The following PPARGC1A variants were observed in gnomAD, a reference collection of about 807,000 sequenced individuals.
PPARGC1A encodes PPARG coactivator 1 alpha, also known as peroxisome proliferator-activated receptor gamma coactivator 1-alpha.
PPARGC1A carries 25 observed loss-of-function variants against 88.7 expected under a neutral mutation model. The observed-to-expected ratio is 0.28, with a 90% confidence interval of 0.21 to 0.39. The LOEUF (loss-of-function observed/expected upper bound fraction) is 0.39, where lower values mean the gene tolerates loss of function less well. Ranked by LOEUF, PPARGC1A falls within the 10% of genes least tolerant of loss-of-function variation. The pLI, the probability that PPARGC1A is intolerant of heterozygous loss-of-function variation, is 1.00. For missense variants in PPARGC1A, 880 were observed against 968.7 expected (o/e 0.91, Z 1.22); for synonymous variants, 363 against 355.6 (o/e 1.02, Z -0.24).
At chr4:24,273,144 G>A in the PPARGC1A span, among the ~76,000 whole-genome samples, 2 of 152,118 alleles carry the variant, frequency 1.3e-5, no homozygotes, top group Admixed American at 6.5e-5. Flanking sequence ...TTTGGAAATC[G>A]AGAGCAGCTT....
chr4:24,462,253 A>ATTT, the PPARGC1A span, among the ~76,000 whole-genome samples: 37,285 of 143,004 alleles, frequency 0.26, 6,204 homozygotes, highest in African/African-American at 0.47. Flanking sequence ...ACCCGGCTAA[A>ATTT]TTTTTTTTTT....
chr4:24,151,235 A>G, the PPARGC1A span, among the ~76,000 whole-genome samples: 30 of 152,294 alleles, frequency 2.0e-4, no homozygotes, highest in East Asian at 5.8e-3. Flanking sequence ...TGGGTGGCCT[A>G]AACAACAGAA....
the PPARGC1A span, among the ~76,000 whole-genome samples, chr4:23,913,263 T>TAG: frequency 2.6e-3 from 147 of 56,022 alleles, no homozygotes; most frequent in African/African-American, 5.8e-3. Flanking sequence ...TATATATATA[T>TAG]ATATAGAGAG....
At chr4:24,320,589 C>T in the PPARGC1A span, among the ~76,000 whole-genome samples, 9 of 152,044 alleles carry the variant, frequency 5.9e-5, no homozygotes, top group Non-Finnish European at 1.2e-4. Flanking sequence ...AGTATTTTAA[C>T]GGGTAACGAA....
At chr4:24,154,406 T>C in the PPARGC1A span, among the ~76,000 whole-genome samples, 17 of 152,256 alleles carry the variant, frequency 1.1e-4, no homozygotes, top group African/African-American at 3.4e-4. Context: ...TGGCGTCTTC[T>C]AACATTCAGA....
At chr4:24,219,209 G>A in the PPARGC1A span, among the ~76,000 whole-genome samples, 28 of 152,330 alleles carry the variant, frequency 1.8e-4, no homozygotes, top group South Asian at 1.9e-3. Flanking sequence ...AAAAGTGCCA[G>A]GAAGTCCGCT....
upstream of PPARGC1A, chr4:23,890,076 T>C: frequency 1.3e-6 from 2 of 1,496,988 alleles, no homozygotes; most frequent in South Asian, 2.8e-5. Flanking sequence ...CCTGTCTTAC[T>C]ACAGTCCCCA....
At chr4:24,186,811 A>C in the PPARGC1A span, among the ~76,000 whole-genome samples, 1 of 145,250 alleles carries the variant, frequency 6.9e-6, no homozygotes, top group Non-Finnish European at 1.5e-5. Flanking sequence ...ACTTGCCTGC[A>C]AAAAAAAAAT....
At chr4:23,987,852 C>T in the PPARGC1A span, among the ~76,000 whole-genome samples, 1 of 151,962 alleles carries the variant, frequency 6.6e-6, no homozygotes, top group African/African-American at 2.4e-5. Flanking sequence ...AGGTTTGTTA[C>T]ATAGGTATGC....
At chr4:24,305,763 G>A in the PPARGC1A span, among the ~76,000 whole-genome samples, 6 of 152,114 alleles carry the variant, frequency 3.9e-5, no homozygotes, top group Non-Finnish European at 7.3e-5. Flanking sequence ...AGTAAGCCAA[G>A]ATCATGCCAC....
At chr4:24,067,069 G>C in the PPARGC1A span, among the ~76,000 whole-genome samples, 1 of 151,816 alleles carries the variant, frequency 6.6e-6, no homozygotes, top group African/African-American at 2.4e-5. Flanking sequence ...ATATCTATAC[G>C]TTCATTAGGC....
chr4:24,294,723 C>T, the PPARGC1A span, among the ~76,000 whole-genome samples: 1 of 152,142 alleles, frequency 6.6e-6, no homozygotes, highest in African/African-American at 2.4e-5. Flanking sequence ...TAATCTCTTC[C>T]TTTGAAAGAT....
the PPARGC1A span, among the ~76,000 whole-genome samples, chr4:24,011,531 T>C: frequency 6.6e-6 from 1 of 152,214 alleles, no homozygotes; most frequent in African/African-American, 2.4e-5. Flanking sequence ...CTGTGACCTC[T>C]GGTGAGAGTC....
rs200872489 is a variant in PPARGC1A, at chr4:23,824,319, T to C, written c.838A>G (p.Ile280Val). The stretch of plus-strand genomic sequence containing the variant: ...AGTTCCACACTTAAGGTGCGTTCAA[T>C]AGTCTTGTTCTCAAATGGGGAACCC... ...PKGSPFENKTIERTLSVELSG... is the reference protein window; with the variant it reads ...PKGSPFENKTVERTLSVELSG... Residue 280 changes from isoleucine (I) to valine (V), a missense_variant, in exon 7 of 13, where the codon ATT (isoleucine) becomes GTT (valine). Transcript: ENST00000264867. The C allele has an allele frequency of 4.3e-6, 7 of 1,613,578 alleles. No homozygotes were observed. The highest frequency in any genetic ancestry group is 1.6e-4 in the Middle Eastern group (1 of 6,062).
intron 2 of PPARGC1A, among the ~76,000 whole-genome samples, chr4:23,840,793 G>C (rs529970314): frequency 6.6e-6 from 1 of 152,144 alleles, no homozygotes; most frequent in Admixed American, 6.6e-5. Context: ...TTCTTCTTTT[G>C]TTGTTGTTGT....
chr4:23,826,925 A>C (rs895456917), intron 5 of PPARGC1A, among the ~76,000 whole-genome samples: 5 of 152,308 alleles, frequency 3.3e-5, no homozygotes, highest in Non-Finnish European at 7.4e-5. Flanking sequence ...CAAGGACTTT[A>C]AATTTGGCCC....
At chr4:24,225,559 A>C in the PPARGC1A span, among the ~76,000 whole-genome samples, 12 of 151,478 alleles carry the variant, frequency 7.9e-5, no homozygotes, top group Admixed American at 3.9e-4. Context: ...ACACAAAAAC[A>C]AAACAAAATA....
the PPARGC1A span, among the ~76,000 whole-genome samples, chr4:23,925,215 A>G: frequency 1.3e-5 from 2 of 152,164 alleles, no homozygotes; most frequent in African/African-American, 4.8e-5. Context: ...TCATTGAAAG[A>G]GTCATTTTTA....
chr4:23,831,564 G>C lies in PPARGC1A; in HGVS notation c.422C>G (p.Pro141Arg). ...GTPPPQEAEE[P>R]SLLKKLLLAP... ...AGTAGGAAGGGTTCTTACTAGAGAC[G>C]GCTCTTCTGCCTCCTGGGGTGGAGG... Residue 141 changes from proline (P) to arginine (R), a missense_variant, in exon 3 of 13, where the codon CCG (proline) becomes CGG (arginine). By Grantham distance (103) the Pro-to-Arg change is moderately radical. Transcript: ENST00000264867. The C allele has an allele frequency of 4.3e-6, 7 of 1,613,656 alleles. No homozygotes were observed. Among genetic ancestry groups the C allele is most frequent in the Non-Finnish European group, 5.1e-6 (6 of 1,179,716 alleles).
Sources: allele counts gnomAD v4.1 joint callset (sites outside exome capture counted in the v4.1 genomes callset), GRCh38; gene constraint gnomAD v4.1.1; transcripts MANE v1.5; gene names NCBI Gene and HGNC (gene_info 2026-07-23, HGNC 2026-07-21).